CIT: variants seen among roughly 807,000 people sequenced by gnomAD.
CIT encodes the protein citron Rho-interacting kinase.
CIT carries 79 observed loss-of-function variants against 272.7 expected under a neutral mutation model. The observed-to-expected ratio is 0.29, with a 90% confidence interval of 0.24 to 0.35. CIT has a LOEUF of 0.35. Among genes scored for constraint, CIT ranks in the 10% least tolerant of loss-of-function variants. The probability of loss-of-function intolerance (pLI) is 1.00; values close to 1 mark genes in which losing one functional copy is unlikely to be tolerated. For synonymous variants in CIT, 948 were observed against 995.6 expected (o/e 0.95, Z 0.90); for missense variants, 1,909 against 2,618.3 (o/e 0.73, Z 5.91).
rs767496362 is a variant in CIT at position 119,708,189 on chromosome 12, C to G, written c.5201G>C (p.Gly1734Ala). The G allele has an allele frequency of 1.4e-5, 22 of 1,582,496 alleles. No homozygotes were observed. Among genetic ancestry groups the G allele is most frequent in the Non-Finnish European group, 1.8e-5 (21 of 1,164,448 alleles). Residue 1734 changes from glycine to alanine, a missense_variant, in exon 40 of 48, where the codon GGG (glycine) becomes GCG (alanine). Physicochemically the swap from Gly to Ala is moderately conservative, Grantham distance 60. Around this residue, in one of 8 missense-constraint regions of CIT, gnomAD observed 780 missense variants for 1,067.2 expected, o/e 0.73. Coordinates refer to ENST00000392521, the MANE Select transcript of CIT (RefSeq NM_001206999.2). ...CTGAGGGGAGCTTACCTTGCCTGCCCCAAACAAGTGGCAGCCCTTGACAGC... is the reference window on the plus strand; with the variant it reads ...CTGAGGGGAGCTTACCTTGCCTGCCGCAAACAAGTGGCAGCCCTTGACAGC... ...FEAVKGCHLF[G>A]AGKIENGLCI...
At chr12:119,705,304 A>G (rs932199665) in intron 40 of CIT, among the ~76,000 whole-genome samples, 4 of 152,178 alleles carry the variant, frequency 2.6e-5, no homozygotes, top group African/African-American at 9.7e-5. Context: ...CTCTTTTTCT[A>G]GAACAGCTGA....
At chr12:119,711,951 C>A (rs1356987097) in intron 37 of CIT, among the ~76,000 whole-genome samples, 2 of 152,168 alleles carry the variant, frequency 1.3e-5, no homozygotes, top group Admixed American at 6.5e-5. Flanking sequence ...GCCACCGCAT[C>A]CCTGATTCCC....
rs1966274834 is a variant in CIT at position 119,802,439 on chromosome 12, T to C, written c.1295+767A>G. Among the ~76,000 whole-genome samples the C allele has an allele frequency of 3.9e-5, 6 of 152,334 alleles. No individual in the cohort carries two copies. The South Asian group carries it at 1.2e-3, about 32-fold the overall frequency. On this transcript the variant is annotated intron_variant, in intron 10 of 47. Transcript: ENST00000392521. Reference sequence around the variant, plus strand: ...TTAATGCATTTTTCAATAGCTTTTATGAGAATGGAGAAAGACCTACCAGAT... The same window carrying C: ...TTAATGCATTTTTCAATAGCTTTTACGAGAATGGAGAAAGACCTACCAGAT...
intron 19 of CIT, among the ~76,000 whole-genome samples, chr12:119,766,848 T>G (rs1398820367): frequency 6.7e-6 from 1 of 148,802 alleles, no homozygotes; most frequent in Non-Finnish European, 1.5e-5. Context: ...AGTTTAAAGA[T>G]GAAATTGAGA....
Position 119,712,752 on chromosome 12 carries a change from G to C in CIT, c.4580-57C>G. The C allele has an allele frequency of 7.0e-7, 1 of 1,431,512 alleles. No homozygotes were observed. Among genetic ancestry groups the C allele is most frequent in the Non-Finnish European group, 9.8e-7 (1 of 1,015,372 alleles). The allele number at this position is 1,431,512 out of a possible 1,614,324, so 88.7% of individuals were successfully genotyped here. Reference sequence around the variant, plus strand: ...ACAAAAGAACAGGAACAAGAACAAGGGGAGAAGAGAGAGCGAGAGAGACAG... The same window carrying C: ...ACAAAAGAACAGGAACAAGAACAAGCGGAGAAGAGAGAGCGAGAGAGACAG... On this transcript the variant is annotated intron_variant, in intron 35 of 47. Transcript: ENST00000392521. This position sits in a 1 kb window ranked among gnomAD's most constrained non-coding sequence, Gnocchi z 5.2.
At chr12:119,854,356 G>A (rs530011590) in intron 4 of CIT, among the ~76,000 whole-genome samples, 6 of 151,376 alleles carry the variant, frequency 4.0e-5, no homozygotes, top group Non-Finnish European at 8.8e-5. Flanking sequence ...GTTAGCTGGG[G>A]GCTAGCCACA....
chr12:119,731,491 A>T (rs1167992452), intron 26 of CIT, among the ~76,000 whole-genome samples: 1 of 151,504 alleles, frequency 6.6e-6, no homozygotes, highest in Non-Finnish European at 1.5e-5. Context: ...AAAAAAAAAA[A>T]AGAAAAAACA....
At chr12:119,792,348 C>G (rs951940940) in intron 10 of CIT, among the ~76,000 whole-genome samples, 2 of 152,130 alleles carry the variant, frequency 1.3e-5, no homozygotes, top group Non-Finnish European at 2.9e-5. Context: ...TGCTGGCCAA[C>G]AGCACTAAAA....
At chr12:119,837,098 A>T (rs1478088214) in intron 5 of CIT, among the ~76,000 whole-genome samples, 1 of 152,246 alleles carries the variant, frequency 6.6e-6, no homozygotes, top group South Asian at 2.1e-4. Flanking sequence ...ACAAACCTCT[A>T]AATAGACCGG....
At chr12:119,700,947 G>A (rs1044096830) in intron 43 of CIT, 122 bp from the exon 44 acceptor site, 9 of 668,606 alleles carry the variant, frequency 1.3e-5, no homozygotes, top group African/African-American at 1.3e-4. Context: ...GGGACTGACT[G>A]TGAAAACCAG....
chr12:119,809,414 G>A (rs546176173), intron 9 of CIT, among the ~76,000 whole-genome samples: 1 of 152,282 alleles, frequency 6.6e-6, no homozygotes, highest in South Asian at 2.1e-4. Context: ...GGATTAACAG[G>A]AGACAGGTTT....
At chr12:119,709,286 G>A (rs1017339210) in intron 39 of CIT, among the ~76,000 whole-genome samples, 1 of 151,896 alleles carries the variant, frequency 6.6e-6, no homozygotes, top group Non-Finnish European at 1.5e-5. Context: ...CTGTAGACTT[G>A]GGGTGACAAT....
chr12:119,734,079 A>G (rs893952785), intron 26 of CIT, 85 bp downstream of exon 26: 2 of 1,401,562 alleles, frequency 1.4e-6, no homozygotes, highest in Admixed American at 2.1e-5. Flanking sequence ...TCTCGGCGGG[A>G]ATAGCTGATC....
At chr12:119,834,782 GATAA>G (rs1253907796) in intron 5 of CIT, among the ~76,000 whole-genome samples, 12 of 152,184 alleles carry the variant, frequency 7.9e-5, no homozygotes, top group Non-Finnish European at 1.8e-4. Flanking sequence ...ATAGTTTGCA[GATAA>G]ATAGAAAGAT....
Position 119,697,521 on chromosome 12 carries a change from G to T in CIT, c.5882+138C>A. 1 of 923,642 alleles carries T rather than the reference G, an allele frequency of 1.1e-6. No homozygotes were observed. Among genetic ancestry groups the T allele is most frequent in the Non-Finnish European group, 1.6e-6 (1 of 607,712 alleles). The allele number at this position is 923,642 out of a possible 1,614,324, so 57.2% of individuals were successfully genotyped here. On this transcript the variant is annotated intron_variant, in intron 46 of 47. Coordinates refer to ENST00000392521, the MANE Select transcript of CIT (RefSeq NM_001206999.2). This position sits in a 1 kb window ranked among gnomAD's most constrained non-coding sequence, Gnocchi z 4.9. ...TGGTCTGTGTTATTTCAGTGCCGCAGATCGCAAACAAATGAATGGTTTGAG... is the reference window on the plus strand; with the variant it reads ...TGGTCTGTGTTATTTCAGTGCCGCATATCGCAAACAAATGAATGGTTTGAG...
chr12:119,708,986 T>C (rs1353799356), intron 39 of CIT, among the ~76,000 whole-genome samples: 1 of 151,948 alleles, frequency 6.6e-6, no homozygotes, highest in East Asian at 1.9e-4. Context: ...TATCCAAATA[T>C]GTGGATGTCA....
At chr12:119,847,109 C>T (rs1293192802) in intron 5 of CIT, among the ~76,000 whole-genome samples, 2 of 151,978 alleles carry the variant, frequency 1.3e-5, no homozygotes, top group Non-Finnish European at 2.9e-5. Flanking sequence ...CTCAGCCTCC[C>T]GAGTAGCTGG....
chr12:119,776,576 C>T (rs2137638145), intron 14 of CIT, 96 bp downstream of exon 14: 1 of 1,283,256 alleles, frequency 7.8e-7, no homozygotes, highest in African/African-American at 1.5e-5. Context: ...ATTTCTCAAA[C>T]TAGGTTGTTT....
At position 119,690,290 on chromosome 12, in the gene CIT, C is replaced by A; in HGVS notation, c.6047G>T (p.Arg2016Leu). 1 of 1,585,778 alleles carries A rather than the reference C, an allele frequency of 6.3e-7. No homozygotes were observed. The highest frequency in any genetic ancestry group is 8.5e-7 in the Non-Finnish European group (1 of 1,174,336). The change falls in exon 47 of 48, where the codon CGC (arginine) becomes CTC (leucine). Residue 2016 changes from arginine to leucine, a missense_variant. Physicochemically the swap from Arg to Leu is moderately radical, Grantham distance 102 (BLOSUM62 -2). Transcript: ENST00000392521. The surrounding 1 kb of genome is among the most constrained non-coding windows in gnomAD (Gnocchi z 6.0). ...TELRRDKSPG[R>L]PLEREKSPGR... ...GGGGGACTTCTCTCGCTCCAGGGGG[C>A]GGCCAGGAGACTTGTCCCTGCGCAG...
Sources: gnomAD v4.1 joint callset for allele counts (sites outside exome capture counted in the v4.1 genomes callset) on GRCh38, gnomAD v4.1.1 for gene constraint, gnomAD v4.1.1 regional missense constraint, Gnocchi (gnomAD v3.1) non-coding constraint, MANE v1.5 for transcripts, NCBI Gene and HGNC (gene_info 2026-07-23, HGNC 2026-07-21) for gene names.